The following NYAP2 variants were observed in gnomAD, a reference collection of about 807,000 sequenced individuals.
NYAP2 encodes the protein neuronal tyrosine-phosphorylated phosphoinositide-3-kinase adapter 2.
A neutral mutation model predicts 50.4 loss-of-function variants in NYAP2; 23 were observed. The ratio of observed to expected loss-of-function variants is 0.46; its 90% CI spans 0.33 to 0.65. The LOEUF (loss-of-function observed/expected upper bound fraction) is 0.65, where lower values mean the gene tolerates loss of function less well. NYAP2 is among the 30% of genes least tolerant of loss of function. The pLI is 0.02. For missense variants in NYAP2, 885 were observed against 861.0 expected, an observed-to-expected ratio of 1.03 and a Z score of -0.35; for synonymous variants, 394 against 365.2, an observed-to-expected ratio of 1.08 and a Z score of -0.90.
At chr2:225,492,606 G>C (rs141486270) in intron 3 of NYAP2, among the ~76,000 whole-genome samples, 1 of 152,166 alleles carries the variant, frequency 6.6e-6, no homozygotes, top group Non-Finnish European at 1.5e-5. Context: ...ATAAAGAAAA[G>C]TTTAATTGGC....
At chr2:225,404,815 A>G (rs73097993) in intron 2 of NYAP2, among the ~76,000 whole-genome samples, 5,969 of 152,120 alleles carry the variant, frequency 0.039, 379 homozygotes, top group African/African-American at 0.13. Flanking sequence ...CTTAAACAAA[A>G]AGAGTCTTTT....
chr2:225,578,914 G>A (rs1692215821), intron 4 of NYAP2, among the ~76,000 whole-genome samples: 1 of 152,076 alleles, frequency 6.6e-6, no homozygotes, highest in Admixed American at 6.5e-5. Context: ...CACAATTCTT[G>A]GGGCTAAACA....
chr2:225,684,532 G>A, the NYAP2 span, among the ~76,000 whole-genome samples: 1 of 149,872 alleles, frequency 6.7e-6, no homozygotes, highest in Non-Finnish European at 1.5e-5. Flanking sequence ...TTTCCACCTT[G>A]GTTCAAAAAT....
At chr2:225,475,363 C>A (rs1417812109) in intron 3 of NYAP2, among the ~76,000 whole-genome samples, 1 of 152,166 alleles carries the variant, frequency 6.6e-6, no homozygotes, top group Non-Finnish European at 1.5e-5. Context: ...TTGTTCTACC[C>A]TCCCCTGGTG....
intron 6 of NYAP2, among the ~76,000 whole-genome samples, chr2:225,639,673 G>A (rs141817466): frequency 6.3e-4 from 96 of 152,042 alleles, no homozygotes; most frequent in African/African-American, 2.1e-3. Flanking sequence ...ATTCACATTC[G>A]CTTATTCTTT....
chr2:225,684,430 C>G, the NYAP2 span, among the ~76,000 whole-genome samples: 1 of 150,498 alleles, frequency 6.6e-6, no homozygotes, highest in Non-Finnish European at 1.5e-5. Context: ...TTAGAGAAGC[C>G]AAAATTCAGG....
chr2:225,523,110 T>C (rs1243412235), intron 4 of NYAP2, among the ~76,000 whole-genome samples: 1 of 152,116 alleles, frequency 6.6e-6, no homozygotes. Context: ...TCAGCACCAG[T>C]CAGGGCCAGC....
chr2:225,597,893 G>T (rs980398910), intron 5 of NYAP2, among the ~76,000 whole-genome samples: 23 of 152,170 alleles, frequency 1.5e-4, no homozygotes, highest in Admixed American at 1.2e-3. Flanking sequence ...TTTAGTAAAA[G>T]ATAAAGTAAG....
chr2:225,453,071 A>G (rs1401725877), intron 3 of NYAP2, among the ~76,000 whole-genome samples: 2 of 152,152 alleles, frequency 1.3e-5, no homozygotes, highest in African/African-American at 2.4e-5. Context: ...GCCACTTTCA[A>G]ATATAGGTGA....
intron 3 of NYAP2, among the ~76,000 whole-genome samples, chr2:225,446,338 T>C (rs1689565176): frequency 6.7e-6 from 1 of 149,906 alleles, no homozygotes; most frequent in Non-Finnish European, 1.5e-5. Flanking sequence ...ATTCATTCAT[T>C]CATTGAATTA....
At chr2:225,627,221 C>T in intron 6 of NYAP2, 95 bp downstream of exon 6, 1 of 941,994 alleles carries the variant, frequency 1.1e-6, no homozygotes, top group Non-Finnish European at 1.7e-6. Flanking sequence ...CCACAGATAT[C>T]TCTGTCTGCA....
chr2:225,653,927 G>C (rs1460486236), exon 7 of NYAP2: 1 of 151,584 alleles, frequency 6.6e-6, no homozygotes, highest in Non-Finnish European at 1.5e-5. Context: ...GCTGAGGCAG[G>C]AGAATGTGGT....
At chr2:225,455,197 G>T (rs1223801785) in intron 3 of NYAP2, among the ~76,000 whole-genome samples, 4 of 152,184 alleles carry the variant, frequency 2.6e-5, no homozygotes, top group Non-Finnish European at 5.9e-5. Context: ...ACCCATTTCA[G>T]ACTCCTGAAC....
chr2:225,675,907 A>G, the NYAP2 span, among the ~76,000 whole-genome samples: 4 of 152,088 alleles, frequency 2.6e-5, no homozygotes, highest in Admixed American at 6.6e-5. Flanking sequence ...GATCTTAAAC[A>G]TTTTTGTATA....
chr2:225,651,824 G>C (rs528528380), exon 7 of NYAP2: 1 of 407,498 alleles, frequency 2.5e-6, no homozygotes, highest in South Asian at 3.8e-5. Context: ...TAGTAAACTT[G>C]TACTATATGT....
At chr2:225,618,141 G>A (rs1305155784) in intron 5 of NYAP2, among the ~76,000 whole-genome samples, 1 of 152,144 alleles carries the variant, frequency 6.6e-6, no homozygotes, top group Non-Finnish European at 1.5e-5. Context: ...ATGTAGTTTG[G>A]CTCTATATCT....
At chr2:225,506,712 T>C (rs1690713445) in intron 3 of NYAP2, among the ~76,000 whole-genome samples, 2 of 152,154 alleles carry the variant, frequency 1.3e-5, no homozygotes, top group Non-Finnish European at 2.9e-5. Context: ...AGTGTAAATA[T>C]TAGTTTCTTT....
chr2:225,412,255 CTTTTTTTTTTTTT>C (rs560637948), intron 3 of NYAP2, among the ~76,000 whole-genome samples: 1 of 59,130 alleles, frequency 1.7e-5, no homozygotes, highest in African/African-American at 5.6e-5. Context: ...CTGCGCCCGG[CTTTTTTTTTTTTT>C]TTTTTTTTTT....
chr2:225,443,790 A>G (rs894407237), intron 3 of NYAP2, among the ~76,000 whole-genome samples: 7 of 152,356 alleles, frequency 4.6e-5, no homozygotes, highest in Non-Finnish European at 8.8e-5. Context: ...TAATTGTTCC[A>G]TATAATTGTT....
Sources: gnomAD v4.1 joint callset for allele counts (sites outside exome capture counted in the v4.1 genomes callset) on GRCh38, gnomAD v4.1.1 for gene constraint, MANE v1.5 for transcripts, NCBI Gene and HGNC (gene_info 2026-07-23, HGNC 2026-07-21) for gene names.